Variants in LRCH1 observed in about 807,000 individuals in gnomAD.
LRCH1 encodes the protein leucine rich repeats and calponin homology domain containing 1.
In LRCH1, 23 loss-of-function variants were observed where a neutral mutation model predicts 94.9. The ratio of observed to expected loss-of-function variants is 0.24; its 90% CI spans 0.17 to 0.34. LRCH1 has a LOEUF of 0.34. LRCH1 is among the 10% of genes least tolerant of loss of function. The pLI, the probability that LRCH1 is intolerant of heterozygous loss-of-function variation, is 1.00. For synonymous variants in LRCH1, 364 were observed against 354.9 expected (o/e 1.03, Z -0.29); for missense variants, 790 against 945.9 (o/e 0.84, Z 2.16).
intron 1 of LRCH1, among the ~76,000 whole-genome samples, chr13:46,569,232 C>T (rs548649170): frequency 6.6e-6 from 1 of 152,238 alleles, no homozygotes; most frequent in African/African-American, 2.4e-5. Context: ...TAATGGAGTC[C>T]AATGTTGAAA....
intron 15 of LRCH1, 125 bp from the exon 16 acceptor site, chr13:46,715,435 T>C (rs1254513330): frequency 6.3e-6 from 4 of 635,374 alleles, no homozygotes; most frequent in African/African-American, 5.4e-5. Context: ...TTAAACCCCA[T>C]ATAAATGAAA....
intron 1 of LRCH1, among the ~76,000 whole-genome samples, chr13:46,638,451 T>C (rs2051119170): frequency 6.6e-6 from 1 of 152,232 alleles, no homozygotes; most frequent in African/African-American, 2.4e-5. Flanking sequence ...ATTAATACCA[T>C]ATGGTATAAA....
intron 4 of LRCH1, among the ~76,000 whole-genome samples, 183 bp from the exon 5 acceptor site, chr13:46,685,722 T>C (rs1050703558): frequency 6.6e-6 from 1 of 152,224 alleles, no homozygotes; most frequent in African/African-American, 2.4e-5. Context: ...ATAAAAGATT[T>C]TCCCTCTTTT....
intron 16 of LRCH1, among the ~76,000 whole-genome samples, chr13:46,721,882 A>G (rs1027032379): frequency 1.3e-5 from 2 of 152,256 alleles, no homozygotes; most frequent in South Asian, 2.1e-4. Context: ...TGAATTCAAG[A>G]ATCTTAGAAC....
chr13:46,728,382 A>G (rs923446771), intron 17 of LRCH1, among the ~76,000 whole-genome samples: 1 of 150,724 alleles, frequency 6.6e-6, no homozygotes, highest in African/African-American at 2.4e-5. Flanking sequence ...TGCCTGGGAA[A>G]TTTTTGTATT....
intron 3 of LRCH1, among the ~76,000 whole-genome samples, chr13:46,679,438 C>T (rs188694105): frequency 3.9e-5 from 6 of 152,320 alleles, no homozygotes; most frequent in Non-Finnish European, 8.8e-5. Context: ...TTCTCTTCTC[C>T]CATGTGGAAA....
At chr13:46,565,087 G>A (rs767545876) in intron 1 of LRCH1, among the ~76,000 whole-genome samples, 2 of 152,076 alleles carry the variant, frequency 1.3e-5, no homozygotes, top group African/African-American at 4.8e-5. Context: ...CATAAAATGG[G>A]GATAATAATT....
intron 17 of LRCH1, among the ~76,000 whole-genome samples, chr13:46,726,354 T>G (rs1010824280): frequency 6.6e-6 from 1 of 152,186 alleles, no homozygotes; most frequent in Non-Finnish European, 1.5e-5. Context: ...GGGGACTTTC[T>G]TTTTGCCTCA....
At chr13:46,566,614 GC>G (rs1159898856) in intron 1 of LRCH1, among the ~76,000 whole-genome samples, 2 of 152,180 alleles carry the variant, frequency 1.3e-5, no homozygotes, top group Non-Finnish European at 2.9e-5. Flanking sequence ...GTAAGACAGA[GC>G]CGAAATTGGA....
chr13:46,659,891 A>G (rs554621921), intron 2 of LRCH1, among the ~76,000 whole-genome samples: 140 of 152,254 alleles, frequency 9.2e-4, no homozygotes, highest in Non-Finnish European at 1.7e-3. Flanking sequence ...AGCAGAGGCA[A>G]CCTTTGAACA....
intron 9 of LRCH1, among the ~76,000 whole-genome samples, chr13:46,696,883 A>G (rs1396654470): frequency 6.6e-6 from 1 of 152,108 alleles, no homozygotes; most frequent in Non-Finnish European, 1.5e-5. Context: ...AGCCTGGGCA[A>G]CATACTAAGA....
intron 1 of LRCH1, among the ~76,000 whole-genome samples, chr13:46,624,123 A>G (rs187262252): frequency 6.6e-6 from 1 of 152,010 alleles, no homozygotes; most frequent in East Asian, 1.9e-4. Context: ...GCCTTAAATG[A>G]TCCTCCTGCC....
At position 46,553,683 on chromosome 13, in the gene LRCH1, T is replaced by G; in HGVS notation, c.287T>G (p.Leu96Arg). 1 of 1,609,998 alleles carries G rather than the reference T, an allele frequency of 6.2e-7. No individual in the cohort carries two copies. Among genetic ancestry groups the G allele is most frequent in the Non-Finnish European group, 8.5e-7 (1 of 1,179,328 alleles). The change falls in exon 1 of 20, where the codon CTC (leucine) becomes CGC (arginine). Residue 96 changes from leucine to arginine, a missense_variant. By Grantham distance (102) the Leu-to-Arg change is moderately radical. Around this residue, in one of 3 missense-constraint regions of LRCH1, gnomAD observed 136 missense variants for 143.5 expected, o/e 0.95. Coordinates refer to ENST00000389797, the MANE Select transcript of LRCH1 (RefSeq NM_001164211.2). ...CGTACCGCAGCCCCCGGGCACGACC[T>G]CTCGGACACGGTGCAGGCAGGTGAG... is the stretch of plus-strand genomic sequence containing the variant. ...FPRTAAPGHD[L>R]SDTVQADLSK...
intron 5 of LRCH1, among the ~76,000 whole-genome samples, chr13:46,686,783 A>G (rs1456220950): frequency 6.6e-6 from 1 of 152,138 alleles, no homozygotes; most frequent in African/African-American, 2.4e-5. Flanking sequence ...AAACTTGATT[A>G]TAAACAGTCA....
At chr13:46,584,154 A>T (rs1456648492) in intron 1 of LRCH1, among the ~76,000 whole-genome samples, 1 of 152,202 alleles carries the variant, frequency 6.6e-6, no homozygotes, top group Admixed American at 6.5e-5. Flanking sequence ...CACTTCAATT[A>T]TAGTCCGTTC....
At chr13:46,695,041 G>GT (rs747793408) in intron 9 of LRCH1, 24 bp downstream of exon 9, 13 of 1,610,428 alleles carry the variant, frequency 8.1e-6, no homozygotes, top group East Asian at 2.2e-5. Context: ...GATCAACTAC[G>GT]TTTTTTTACT....
intron 15 of LRCH1, 54 bp downstream of exon 15, chr13:46,712,651 G>C: frequency 6.6e-7 from 1 of 1,505,644 alleles, no homozygotes; most frequent in Non-Finnish European, 9.2e-7. Context: ...GCTTTCTCTT[G>C]AGCCTTTTAA....
chr13:46,717,984 T>G (rs987421846), intron 16 of LRCH1, among the ~76,000 whole-genome samples: 2 of 152,198 alleles, frequency 1.3e-5, no homozygotes, highest in Non-Finnish European at 2.9e-5. Context: ...TGTGGACGTT[T>G]GTCTGTAGGT....
At chr13:46,616,342 T>A (rs990017203) in intron 1 of LRCH1, among the ~76,000 whole-genome samples, 1 of 152,150 alleles carries the variant, frequency 6.6e-6, no homozygotes, top group Non-Finnish European at 1.5e-5. Flanking sequence ...AAATAACTTA[T>A]TTGCTATCAA....
Sources: gnomAD v4.1 joint callset for allele counts (sites outside exome capture counted in the v4.1 genomes callset) on GRCh38, gnomAD v4.1.1 for gene constraint, gnomAD v4.1.1 regional missense constraint, MANE v1.5 for transcripts, NCBI Gene and HGNC (gene_info 2026-07-23, HGNC 2026-07-21) for gene names.